Variants in GPHN observed in about 807,000 individuals in gnomAD.
GPHN encodes gephyrin.
Under a neutral mutation model 95.5 loss-of-function variants are expected in GPHN, and 17 were observed. The ratio of observed to expected loss-of-function variants is 0.18; its 90% CI spans 0.12 to 0.27. The LOEUF is 0.27. GPHN is among the 10% of genes least tolerant of loss of function. The pLI is 1.00. For missense variants in GPHN, 660 were observed against 978.1 expected (o/e 0.67, Z 4.34); for synonymous variants, 320 against 322.5 (o/e 0.99, Z 0.08).
chr14:66,724,376 T>C (rs1357077446), intron 2 of GPHN, among the ~76,000 whole-genome samples: 2 of 152,204 alleles, frequency 1.3e-5, no homozygotes, highest in African/African-American at 4.8e-5. Flanking sequence ...AGGAGACATC[T>C]AGCAGCTGTT....
chr14:67,657,637 G>T, the GPHN span, among the ~76,000 whole-genome samples: 1 of 149,258 alleles, frequency 6.7e-6, no homozygotes, highest in Admixed American at 6.7e-5. Flanking sequence ...AAATCAAAAG[G>T]GACCCAGCTC....
chr14:67,619,418 C>T, the GPHN span, among the ~76,000 whole-genome samples: 1 of 152,242 alleles, frequency 6.6e-6, no homozygotes, highest in Admixed American at 6.5e-5. Flanking sequence ...ATCTCCGAAT[C>T]CAAATTTCAC....
At chr14:66,915,676 C>G (rs2065863421) in intron 5 of GPHN, among the ~76,000 whole-genome samples, 1 of 152,130 alleles carries the variant, frequency 6.6e-6, no homozygotes, top group Admixed American at 6.6e-5. Context: ...TGCACTATCT[C>G]AAACTCTTAA....
intron 4 of GPHN, among the ~76,000 whole-genome samples, chr14:66,838,247 A>G (rs1338352003): frequency 6.6e-6 from 1 of 152,166 alleles, no homozygotes; most frequent in Non-Finnish European, 1.5e-5. Flanking sequence ...AATATAAGCA[A>G]GGCACTAAAA....
At chr14:67,542,253 CA>C in the GPHN span, among the ~76,000 whole-genome samples, 1 of 152,224 alleles carries the variant, frequency 6.6e-6, no homozygotes, top group Non-Finnish European at 1.5e-5. Flanking sequence ...CTTCCGGAGT[CA>C]CCTGTGGCTG....
At position 66,963,367 on chromosome 14, in the gene GPHN, A is replaced by C. The variant is rs1466626706; in HGVS notation, c.829-1824A>C. 2.6e-5 allele frequency among the ~76,000 whole-genome samples: 4 copies of C among 152,070 alleles called. No individual in the cohort carries two copies. The East Asian group carries it at 7.7e-4, about 29-fold the overall frequency. ...AAGTCTGGAGATATATATCACACACACAGAGACATTATTCGTGCAGTTGCT... is the reference window on the plus strand; with the variant it reads ...AAGTCTGGAGATATATATCACACACCCAGAGACATTATTCGTGCAGTTGCT... On this transcript the variant is annotated intron_variant, in intron 8 of 22. Coordinates refer to ENST00000478722, the MANE Select transcript of GPHN (RefSeq NM_020806.5).
At chr14:66,522,624 G>C (rs2058527172) in intron 1 of GPHN, among the ~76,000 whole-genome samples, 1 of 152,058 alleles carries the variant, frequency 6.6e-6, no homozygotes, top group Non-Finnish European at 1.5e-5. Context: ...TTCCCCTGCA[G>C]ATGATCTCTT....
chr14:67,309,327 T>C, the GPHN span, among the ~76,000 whole-genome samples: 221 of 152,288 alleles, frequency 1.5e-3, no homozygotes, highest in African/African-American at 5.1e-3. Context: ...TCATATAGTA[T>C]CTGTTAAGGC....
chr14:67,689,588 G>C, the GPHN span, among the ~76,000 whole-genome samples: 2 of 152,118 alleles, frequency 1.3e-5, no homozygotes, highest in Non-Finnish European at 2.9e-5. Context: ...TATGAAGCCT[G>C]AATTAATTAT....
chr14:66,590,184 G>T (rs1384933606), intron 1 of GPHN, among the ~76,000 whole-genome samples: 1 of 152,142 alleles, frequency 6.6e-6, no homozygotes, highest in Non-Finnish European at 1.5e-5. Flanking sequence ...AGTGTTTAGA[G>T]GGAAATTTAT....
the GPHN span, among the ~76,000 whole-genome samples, chr14:67,537,552 C>T: frequency 4.0e-5 from 6 of 148,542 alleles, no homozygotes; most frequent in African/African-American, 1.6e-4. Flanking sequence ...GTAGTCCCAG[C>T]TGCTTGGGAG....
chr14:66,600,974 A>G (rs2062207107), intron 1 of GPHN, among the ~76,000 whole-genome samples: 1 of 152,076 alleles, frequency 6.6e-6, no homozygotes, highest in South Asian at 2.1e-4. Flanking sequence ...TAAATGCGGA[A>G]TCTGTGGATG....
chr14:66,551,989 A>G (rs969584782), intron 1 of GPHN, among the ~76,000 whole-genome samples: 8 of 152,196 alleles, frequency 5.3e-5, no homozygotes, highest in Non-Finnish European at 1.0e-4. Context: ...TGCCCCAAAG[A>G]GAAACCAACC....
chr14:67,031,563 C>T (rs1471614770), intron 10 of GPHN, among the ~76,000 whole-genome samples: 1 of 151,938 alleles, frequency 6.6e-6, no homozygotes, highest in African/African-American at 2.4e-5. Flanking sequence ...ATTCAATTTT[C>T]CTTGCTATAT....
the GPHN span, among the ~76,000 whole-genome samples, chr14:67,278,559 A>C: frequency 1.4e-4 from 22 of 152,222 alleles, no homozygotes; most frequent in Admixed American, 1.3e-3. Context: ...ATGCCAAATC[A>C]GTTGATCATT....
chr14:66,822,324 C>T (rs912520402), intron 3 of GPHN, among the ~76,000 whole-genome samples: 4 of 152,190 alleles, frequency 2.6e-5, no homozygotes, highest in Admixed American at 2.6e-4. Context: ...AGTAATTGAA[C>T]AGATCGTCTC....
At chr14:67,393,559 T>C in the GPHN span, among the ~76,000 whole-genome samples, 2 of 152,284 alleles carry the variant, frequency 1.3e-5, no homozygotes, top group African/African-American at 4.8e-5. Flanking sequence ...GTTCAAGTGA[T>C]TCTCCTGCCT....
At chr14:67,372,726 G>A in the GPHN span, among the ~76,000 whole-genome samples, 36 of 152,092 alleles carry the variant, frequency 2.4e-4, no homozygotes, top group Admixed American at 2.0e-3. Context: ...TACTCAAGAG[G>A]CTGAGGCAGG....
the GPHN span, among the ~76,000 whole-genome samples, chr14:67,554,316 C>G: frequency 6.6e-6 from 1 of 152,136 alleles, no homozygotes; most frequent in Non-Finnish European, 1.5e-5. Context: ...GATCAGTTCA[C>G]TGGTAAATAT....
Sources: gnomAD v4.1 joint callset for allele counts (sites outside exome capture counted in the v4.1 genomes callset) on GRCh38, gnomAD v4.1.1 for gene constraint, MANE v1.5 for transcripts, NCBI Gene and HGNC (gene_info 2026-07-23, HGNC 2026-07-21) for gene names.